The following ANKRD36 variants were observed in gnomAD, a reference collection of about 807,000 sequenced individuals.
The protein encoded by ANKRD36 is ankyrin repeat domain-containing protein 36A.
ANKRD36 carries 179 observed loss-of-function variants against 278.1 expected under a neutral mutation model. The observed-to-expected ratio is 0.64, with a 90% CI of 0.57 to 0.73. ANKRD36 has a LOEUF of 0.73. Ranked by LOEUF, ANKRD36 falls within the 30% of genes least tolerant of loss-of-function variation. The probability of loss-of-function intolerance (pLI) is 0.00; values close to 1 mark genes in which losing one functional copy is unlikely to be tolerated. For synonymous variants in ANKRD36, 320 were observed against 641.1 expected, an observed-to-expected ratio of 0.50 and a Z score of 7.57; for missense variants, 1,159 against 1,956.7, an observed-to-expected ratio of 0.59 and a Z score of 7.69.
rs1485375833 is a variant in ANKRD36, at chr2:97,142,630, T to G, written c.800-10T>G. 6.2e-7 allele frequency: 1 copy of G among 1,608,214 alleles called. No homozygotes were observed. The highest frequency in any genetic ancestry group is 1.1e-5 in the South Asian group (1 of 91,056). Reference sequence around the variant, plus strand: ...CATATGATTGATTATGTATCCCTTTTGCTTTTCAGTGTCTTCTCAGAAACA... The same window carrying G: ...CATATGATTGATTATGTATCCCTTTGGCTTTTCAGTGTCTTCTCAGAAACA... On this transcript the variant is annotated splice_polypyrimidine_tract_variant and intron_variant, in intron 6 of 75. Transcript: ENST00000420699.
Position 97,204,242 on chromosome 2 carries a change from G to T in ANKRD36, c.3040G>T (p.Asp1014Tyr), listed in dbSNP as rs111515821. The change falls in exon 50 of 76, where the codon GAT (aspartate) becomes TAT (tyrosine). Residue 1014 changes from aspartate (D) to tyrosine (Y), a missense_variant. Asp to Tyr is a radical substitution (Grantham distance 160). Transcript: ENST00000420699. ...SVLNIARGKK[D>Y]GEKTRTVSSQ... ...TTTGAATATAGCCAGAGGAAAAAAG[G>T]ATGGAGAAAAAACTAGGACAGGTAA... 5.2e-3 allele frequency: 7,899 copies of T among 1,506,844 alleles called. 72 individuals carry two copies. Among genetic ancestry groups the T allele is most frequent in the Middle Eastern group, 0.012 (50 of 4,216 alleles). The allele number at this position is 1,506,844 out of a possible 1,614,324, so 93.3% of individuals were successfully genotyped here.
At chr2:97,124,906 G>A (rs576235465) in intron 5 of ANKRD36, among the ~76,000 whole-genome samples, 3 of 151,938 alleles carry the variant, frequency 2.0e-5, no homozygotes, top group African/African-American at 7.2e-5. Context: ...CCTATGCATA[G>A]GGTAAAGTAG....
chr2:97,166,813 G>T (rs1176225429), intron 20 of ANKRD36, among the ~76,000 whole-genome samples: 1 of 152,174 alleles, frequency 6.6e-6, no homozygotes, highest in East Asian at 1.9e-4. Context: ...GTGATGCACT[G>T]CATGTCAAAC....
At chr2:97,221,151 CCA>C (rs1359016110) in intron 66 of ANKRD36, among the ~76,000 whole-genome samples, 394 of 129,880 alleles carry the variant, frequency 3.0e-3, no homozygotes, top group African/African-American at 7.6e-3. Flanking sequence ...CATATATGTG[CCA>C]CATTTTCTTA....
chr2:97,150,244 A>C (rs1425586315), intron 12 of ANKRD36, among the ~76,000 whole-genome samples: 1 of 151,826 alleles, frequency 6.6e-6, no homozygotes, highest in Non-Finnish European at 1.5e-5. Flanking sequence ...TCAGACTTTA[A>C]TTTCACAATG....
At chr2:97,146,863 T>A (rs1009957596) in intron 11 of ANKRD36, among the ~76,000 whole-genome samples, 3 of 151,882 alleles carry the variant, frequency 2.0e-5, no homozygotes, top group Admixed American at 2.0e-4. Context: ...ATCACGGTAC[T>A]GGTGTAACTC....
chr2:97,154,762 A>T, intron 15 of ANKRD36, 21 bp downstream of exon 15: 1 of 1,452,308 alleles, frequency 6.9e-7, no homozygotes, highest in Non-Finnish European at 9.3e-7. Flanking sequence ...CTCTTGTGAA[A>T]TTAATTTTCT....
At chr2:97,220,749 A>ATTTTTTTTTTTTTTTTTTTTTTTTTTTTT (rs1558889083) in intron 66 of ANKRD36, among the ~76,000 whole-genome samples, 1 of 86,900 alleles carries the variant, frequency 1.2e-5, no homozygotes, top group Non-Finnish European at 2.2e-5. Flanking sequence ...TTTTTTTTTA[A>ATTTTTTTTTTTTTTTTTTTTTTTTTTTTT]TTTTTAATTT....
intron 44 of ANKRD36, among the ~76,000 whole-genome samples, chr2:97,199,748 A>G (rs1210960209): frequency 1.3e-5 from 2 of 151,894 alleles, no homozygotes; most frequent in Admixed American, 6.6e-5. Flanking sequence ...ATTACACTAC[A>G]TGGGTGTGAG....
At position 97,165,587 on chromosome 2, in the gene ANKRD36, T is replaced by C. The variant is rs556593231; in HGVS notation, c.1531+1118T>C. On this transcript the variant is annotated intron_variant, in intron 20 of 75. Coordinates refer to ENST00000420699, the MANE Select transcript of ANKRD36 (RefSeq NM_001354587.1). ...AAAGAAGAAATGGCCAAAGTATCAT[T>C]TGGTACCTTGGCTTCCTTACATAGA... Among the ~76,000 whole-genome samples the C allele has an allele frequency of 1.4e-4, 21 of 152,190 alleles. No individual in the cohort carries two copies. In the East Asian group the frequency reaches 2.7e-3, roughly 20 times the overall value.
chr2:97,203,478 C>A (rs1167122890), intron 48 of ANKRD36, among the ~76,000 whole-genome samples: 1 of 151,858 alleles, frequency 6.6e-6, no homozygotes, highest in Non-Finnish European at 1.5e-5. Context: ...CAGATTATTA[C>A]ACCATATGGG....
At chr2:97,195,782 C>T (rs1454039179) in intron 40 of ANKRD36, among the ~76,000 whole-genome samples, 1 of 151,908 alleles carries the variant, frequency 6.6e-6, no homozygotes. Flanking sequence ...CCAATTAAGT[C>T]CTAGAGTGAT....
chr2:97,154,473 A>T lies in ANKRD36; in HGVS notation c.1194-202A>T, dbSNP rs555659109. On this transcript the variant is annotated intron_variant, in intron 14 of 75. Coordinates refer to ENST00000420699, the MANE Select transcript of ANKRD36 (RefSeq NM_001354587.1). Reference sequence around the variant, plus strand: ...TAGGTTGGGAGAAGTGGCAGCAGAAATAGGTAACTGAAATGTTTTCTAAAA... The same window carrying T: ...TAGGTTGGGAGAAGTGGCAGCAGAATTAGGTAACTGAAATGTTTTCTAAAA... Among the ~76,000 whole-genome samples, 91 of 146,634 alleles carry T rather than the reference A, an allele frequency of 6.2e-4. 2 individuals are homozygous for T. The highest frequency in any genetic ancestry group is 2.2e-3 in the African/African-American group (89 of 41,290).
intron 6 of ANKRD36, among the ~76,000 whole-genome samples, chr2:97,138,064 C>G (rs1271250287): frequency 6.6e-6 from 1 of 151,950 alleles, no homozygotes; most frequent in Non-Finnish European, 1.5e-5. Flanking sequence ...TGCCTGTTCA[C>G]TCTGATCATA....
At chr2:97,189,422 G>T in intron 34 of ANKRD36, 132 bp downstream of exon 34, 11 of 447,080 alleles carry the variant, frequency 2.5e-5, no homozygotes, top group Non-Finnish European at 4.9e-5. Flanking sequence ...AGGCCTGAGA[G>T]TCTTCATTTG....
Position 97,196,798 on chromosome 2 carries a change from A to G in ANKRD36, c.2653+10A>G. 2 of 1,545,402 alleles carry G rather than the reference A, an allele frequency of 1.3e-6. No individual in the cohort carries two copies. The highest frequency in any genetic ancestry group is 3.4e-4 in the Middle Eastern group (2 of 5,966). On this transcript the variant is annotated intron_variant, in intron 42 of 75. Transcript: ENST00000420699. Reference sequence around the variant, plus strand: ...GAAAAATCTAGGACAGGTAATTCTGAAAACAGATTTAATGTCATGTTCAGT... The same window carrying G: ...GAAAAATCTAGGACAGGTAATTCTGGAAACAGATTTAATGTCATGTTCAGT...
intron 6 of ANKRD36, among the ~76,000 whole-genome samples, chr2:97,134,085 G>T (rs536034013): frequency 4.6e-5 from 7 of 152,050 alleles, no homozygotes; most frequent in African/African-American, 1.7e-4. Flanking sequence ...ACTAACCCCT[G>T]TCAACTACTA....
chr2:97,135,900 A>G (rs1447377036), intron 6 of ANKRD36, among the ~76,000 whole-genome samples: 1 of 151,792 alleles, frequency 6.6e-6, no homozygotes, highest in Non-Finnish European at 1.5e-5. Context: ...AAAACCACCA[A>G]TGTCATATTA....
At chr2:97,131,795 T>G (rs1192404772) in intron 6 of ANKRD36, among the ~76,000 whole-genome samples, 1 of 151,918 alleles carries the variant, frequency 6.6e-6, no homozygotes, top group Non-Finnish European at 1.5e-5. Flanking sequence ...CACAATGACC[T>G]GAATGATGCA....
Sources: allele counts gnomAD v4.1 joint callset (sites outside exome capture counted in the v4.1 genomes callset), GRCh38; gene constraint gnomAD v4.1.1; transcripts MANE v1.5; gene names NCBI Gene and HGNC (gene_info 2026-07-23, HGNC 2026-07-21).